TXN: variants seen among roughly 807,000 people sequenced by gnomAD.
The protein encoded by TXN is ADF.
A neutral mutation model predicts 16.5 loss-of-function variants in TXN; 10 were observed. The ratio of observed to expected loss-of-function variants is 0.61; its 90% confidence interval spans 0.37 to 1.03. TXN has a LOEUF of 1.03. Among genes scored for constraint, TXN ranks in the 50% least tolerant of loss-of-function variants. TXN has a pLI of 0.01. For synonymous variants in TXN, 35 were observed against 39.4 expected (o/e 0.89, Z 0.42); for missense variants, 71 against 122.5 (o/e 0.58, Z 1.98).
At chr9:110,245,482 T>C (rs1390556161) in intron 3 of TXN, among the ~76,000 whole-genome samples, 2 of 148,964 alleles carry the variant, frequency 1.3e-5, no homozygotes, top group African/African-American at 2.5e-5. Context: ...TAGTCTCAGC[T>C]CACTGCAATC....
At position 110,244,758 on chromosome 9, in the gene TXN, T is replaced by C; in HGVS notation, c.255+20A>G. On this transcript the variant is annotated intron_variant, in intron 4 of 4. Transcript: ENST00000374517. Reference sequence around the variant, plus strand: ...GTTTCCTATTGCCCAGTTAGAGTTTTAAAGGTCAGATGTACGTACCTTTTG... The same window carrying C: ...GTTTCCTATTGCCCAGTTAGAGTTTCAAAGGTCAGATGTACGTACCTTTTG... 6.2e-7 allele frequency: 1 copy of C among 1,603,170 alleles called. No individual in the cohort carries two copies. The highest frequency in any genetic ancestry group is 1.1e-5 in the South Asian group (1 of 90,782).
Position 110,243,926 on chromosome 9 carries a change from C to G in TXN, c.*231G>C, listed in dbSNP as rs1587919292. The G allele has an allele frequency of 1.6e-5, 4 of 256,716 alleles. No individual in the cohort carries two copies. The East Asian group carries it at 3.0e-4, about 19-fold the overall frequency. The allele number at this position is 256,716 out of a possible 1,614,324, so 15.9% of individuals were successfully genotyped here. A position where few individuals can be genotyped will look rare whatever the true frequency, so the allele number is the denominator to read the frequency against. On this transcript the variant is annotated 3_prime_UTR_variant, in exon 5 of 5. Coordinates refer to ENST00000374517, the MANE Select transcript of TXN (RefSeq NM_003329.4). The stretch of plus-strand genomic sequence containing the variant: ...AAATCTTAAAATAATCAGTGGCCTA[C>G]AAGGTTACTAAAAAGTGATTGAGAA...
Position 110,243,841 on chromosome 9 carries a change from G to C in TXN, c.*316C>G, listed in dbSNP as rs1188314425. 6.1e-6 allele frequency: 1 copy of C among 164,434 alleles called. No individual in the cohort carries two copies. The highest frequency in any genetic ancestry group is 1.7e-4 in the East Asian group (1 of 5,834). The allele number at this position is 164,434 out of a possible 1,614,324, so 10.2% of individuals were successfully genotyped here. ...ATAACAACATACTACTTTATTACCT[G>C]CATTGCCCCCAACAAGAGATTTTTG... On this transcript the variant is annotated 3_prime_UTR_variant, in exon 5 of 5. Coordinates refer to ENST00000374517, the MANE Select transcript of TXN (RefSeq NM_003329.4).
At chr9:110,251,585 CCAAAAAAAA>C in intron 1 of TXN, 123 bp from the exon 2 acceptor site, 1 of 21,204 alleles carries the variant, frequency 4.7e-5, no homozygotes. Context: ...TACTTTTTAG[CCAAAAAAAA>C]AAAAAAAAAA....
At chr9:110,249,787 T>C (rs1437324990) in intron 3 of TXN, among the ~76,000 whole-genome samples, 1 of 152,160 alleles carries the variant, frequency 6.6e-6, no homozygotes, top group Non-Finnish European at 1.5e-5. Context: ...CCATGTTTGC[T>C]CAATGAATAA....
chr9:110,245,654 A>ATATATTTT (rs1232332404), intron 3 of TXN, among the ~76,000 whole-genome samples: 5 of 21,782 alleles, frequency 2.3e-4, no homozygotes, highest in African/African-American at 9.9e-4. Flanking sequence ...ATATATATAT[A>ATATATTTT]TTTTTTTTTT....
intron 1 of TXN, 123 bp from the exon 2 acceptor site, chr9:110,251,585 CCAA>C: frequency 5.2e-4 from 11 of 21,198 alleles, no homozygotes; most frequent in South Asian, 4.9e-3. Flanking sequence ...TACTTTTTAG[CCAA>C]AAAAAAAAAA....
In TXN at chr9:110,256,372, G is replaced by A; in HGVS notation, c.24+40C>T. The A allele has an allele frequency of 1.3e-6, 2 of 1,593,544 alleles. No individual in the cohort carries two copies. The highest frequency in any genetic ancestry group is 1.7e-6 in the Non-Finnish European group (2 of 1,170,234). ...CGCCTTCCCCAGTTACAGAGGCCGCGCGCGGCGCCGGCACCCTGGCCTTCC... is the reference window on the plus strand; with the variant it reads ...CGCCTTCCCCAGTTACAGAGGCCGCACGCGGCGCCGGCACCCTGGCCTTCC... On this transcript the variant is annotated intron_variant, in intron 1 of 4. Transcript: ENST00000374517. This position sits in a 1 kb window ranked among gnomAD's most constrained non-coding sequence, Gnocchi z 4.2.
At chr9:110,248,910 C>T (rs1175331178) in intron 3 of TXN, among the ~76,000 whole-genome samples, 6 of 151,758 alleles carry the variant, frequency 4.0e-5, no homozygotes, top group African/African-American at 7.3e-5. Flanking sequence ...GTCAGGAGTT[C>T]GAGACCAGCC....
At position 110,244,777 on chromosome 9, in the gene TXN, C is replaced by A. The variant is rs973004402; in HGVS notation, c.255+1G>T. ...GAGTTTTAAAGGTCAGATGTACGTA[C>A]CTTTTGTCCCTTCTTAAAAAACTGG... is the stretch of plus-strand genomic sequence containing the variant. On this transcript the variant is annotated splice_donor_variant, in intron 4 of 4. Coordinates refer to ENST00000374517, the MANE Select transcript of TXN (RefSeq NM_003329.4). LOFTEE classifies it high-confidence loss of function. The A allele has an allele frequency of 1.2e-6, 2 of 1,611,924 alleles. No homozygotes were observed. The highest frequency in any genetic ancestry group is 2.7e-5 in the African/African-American group (2 of 74,858).
rs1837613168 is a variant in TXN, at chr9:110,244,024, AG to A, written c.*132del. On this transcript the variant is annotated 3_prime_UTR_variant, in exon 5 of 5. Transcript: ENST00000374517. ...ATTCAGACATGAGACGGTTTTAAAA[AG>A]TGTTAGCATTAATGTTTTATTGTCA... 7.9e-6 allele frequency: 3 copies of A among 378,888 alleles called. No homozygotes were observed. Among genetic ancestry groups the A allele is most frequent in the Non-Finnish European group, 1.4e-5 (3 of 209,208 alleles). The allele number at this position is 378,888 out of a possible 1,614,324, so 23.5% of individuals were successfully genotyped here.
intron 1 of TXN, among the ~76,000 whole-genome samples, chr9:110,252,332 C>T (rs955963194): frequency 1.3e-5 from 2 of 151,222 alleles, no homozygotes; most frequent in African/African-American, 4.9e-5. Context: ...ACTCACCTTT[C>T]CCAAACCTCA....
intron 3 of TXN, among the ~76,000 whole-genome samples, chr9:110,249,419 G>A (rs192731032): frequency 1.3e-5 from 2 of 152,204 alleles, no homozygotes; most frequent in Admixed American, 1.3e-4. Context: ...GGTGTGCTAG[G>A]TGAAGGGGCA....
rs758798059 is a variant in TXN at position 110,256,473 on chromosome 9, G to C, written c.-38C>G. 4 of 1,594,806 alleles carry C rather than the reference G, an allele frequency of 2.5e-6. No homozygotes were observed. The highest frequency in any genetic ancestry group is 3.4e-6 in the Non-Finnish European group (4 of 1,170,098). ...AGTCTGACGAGCGGCTGTAAGGACC[G>C]ATGGAAATGGATCCAAAGCACCAAA... On this transcript the variant is annotated 5_prime_UTR_variant, in exon 1 of 5. The change creates a new upstream start codon in the 5' untranslated region. Coordinates refer to ENST00000374517, the MANE Select transcript of TXN (RefSeq NM_003329.4). The surrounding 1 kb of genome is among the most constrained non-coding windows in gnomAD (Gnocchi z 4.2).
chr9:110,251,027 GAC>G, intron 2 of TXN, 148 bp from the exon 3 acceptor site: 3 of 650,872 alleles, frequency 4.6e-6, no homozygotes, highest in South Asian at 4.1e-5. Flanking sequence ...AGATCTAAGA[GAC>G]ATAAATTTTC....
intron 1 of TXN, among the ~76,000 whole-genome samples, chr9:110,254,826 G>A (rs748087036): frequency 2.6e-5 from 4 of 152,236 alleles, no homozygotes; most frequent in Non-Finnish European, 4.4e-5. Flanking sequence ...TGGCTCAGTG[G>A]AGGGGGTTCT....
rs1587926714 is a variant in TXN, at chr9:110,256,325, C to G, written c.24+87G>C. 5 of 1,421,992 alleles carry G rather than the reference C, an allele frequency of 3.5e-6. No homozygotes were observed. The highest frequency in any genetic ancestry group is 3.9e-6 in the Non-Finnish European group (4 of 1,036,698). 88.1% of individuals were successfully genotyped at this position (1,421,992 alleles called of 1,614,324 possible). On this transcript the variant is annotated intron_variant, in intron 1 of 4. Transcript: ENST00000374517. This position sits in a 1 kb window ranked among gnomAD's most constrained non-coding sequence, Gnocchi z 4.2. Reference sequence around the variant, plus strand: ...GGGCGGCCTCCGCACCTCCCGCCACCGCCTTCCCCACCTCCCGCCACCGCC... The same window carrying G: ...GGGCGGCCTCCGCACCTCCCGCCACGGCCTTCCCCACCTCCCGCCACCGCC...
Position 110,256,464 on chromosome 9 carries a change from G to A in TXN, c.-29C>T. ...GGCTGCTGGAGTCTGACGAGCGGCT[G>A]TAAGGACCGATGGAAATGGATCCAA... On this transcript the variant is annotated 5_prime_UTR_variant, in exon 1 of 5. Transcript: ENST00000374517. This position sits in a 1 kb window ranked among gnomAD's most constrained non-coding sequence, Gnocchi z 4.2. 6.2e-7 allele frequency: 1 copy of A among 1,602,102 alleles called. No individual in the cohort carries two copies. Among genetic ancestry groups the A allele is most frequent in the South Asian group, 1.1e-5 (1 of 89,208 alleles).
In TXN at chr9:110,256,394, T is replaced by G. The variant is rs374803656; in HGVS notation, c.24+18A>C. On this transcript the variant is annotated intron_variant, in intron 1 of 4. Coordinates refer to ENST00000374517, the MANE Select transcript of TXN (RefSeq NM_003329.4). The surrounding 1 kb of genome is among the most constrained non-coding windows in gnomAD (Gnocchi z 4.2). ...CGCGCGCGGCGCCGGCACCCTGGCC[T>G]TCCCCGGTAGCGCGTACCTTGCTCT... 6.2e-7 allele frequency: 1 copy of G among 1,601,078 alleles called. No homozygotes were observed. Among genetic ancestry groups the G allele is most frequent in the East Asian group, 2.3e-5 (1 of 44,102 alleles).
Sources: gnomAD v4.1 joint callset for allele counts (sites outside exome capture counted in the v4.1 genomes callset) on GRCh38, gnomAD v4.1.1 for gene constraint, Gnocchi (gnomAD v3.1) non-coding constraint, MANE v1.5 for transcripts, NCBI Gene and HGNC (gene_info 2026-07-23, HGNC 2026-07-21) for gene names.